The following ABCG2 variants were observed in gnomAD, a reference collection of about 807,000 sequenced individuals.
ABCG2 encodes the protein broad substrate specificity ATP-binding cassette transporter ABCG2.
Under a neutral mutation model 73.5 loss-of-function variants are expected in ABCG2, and 80 were observed. The ratio of observed to expected loss-of-function variants is 1.09; its 90% CI spans 0.91 to 1.31. ABCG2 has a LOEUF of 1.31. Ranked by LOEUF, ABCG2 falls within the 50% of genes most tolerant of loss-of-function variation. The pLI is 0.00. For synonymous variants in ABCG2, 269 were observed against 282.4 expected, an observed-to-expected ratio of 0.95 and a Z score of 0.48; for missense variants, 796 against 786.2, an observed-to-expected ratio of 1.01 and a Z score of -0.15.
intron 1 of ABCG2, among the ~76,000 whole-genome samples, chr4:88,207,797 A>T (rs1729436970): frequency 6.6e-6 from 1 of 152,050 alleles, no homozygotes; most frequent in South Asian, 2.1e-4. Flanking sequence ...CTCCCACCTG[A>T]GCCTCCCAAA....
At chr4:88,129,898 G>A (rs1724726386) in intron 5 of ABCG2, among the ~76,000 whole-genome samples, 1 of 152,106 alleles carries the variant, frequency 6.6e-6, no homozygotes, top group South Asian at 2.1e-4. Flanking sequence ...ACAAGAGGAG[G>A]AGTTACTTTG....
chr4:88,198,049 G>A (rs2869733), intron 1 of ABCG2, among the ~76,000 whole-genome samples: 147,861 of 148,462 alleles, frequency 1, 73,634 homozygotes, highest in East Asian at 1. Context: ...AAAAAAAATC[G>A]TTTGTTTCCA....
intron 1 of ABCG2, among the ~76,000 whole-genome samples, chr4:88,150,157 A>T (rs1726352813): frequency 6.6e-6 from 1 of 152,124 alleles, no homozygotes; most frequent in Non-Finnish European, 1.5e-5. Context: ...TCTCTATTAA[A>T]CATACAAAAA....
chr4:88,212,789 C>A (rs982540638), intron 1 of ABCG2, among the ~76,000 whole-genome samples: 3 of 152,224 alleles, frequency 2.0e-5, no homozygotes, highest in Admixed American at 2.0e-4. Flanking sequence ...CTTGGCAAAA[C>A]CACAAACCCT....
chr4:88,125,378 GCAGGCGGATCATGAGGT>G (rs1724322464), intron 5 of ABCG2, among the ~76,000 whole-genome samples: 1 of 151,642 alleles, frequency 6.6e-6, no homozygotes, highest in Non-Finnish European at 1.5e-5. Context: ...GGAGGCCGAG[GCAGGCGGATCATGAGGT>G]CAGGAGATCA....
chr4:88,214,803 T>C (rs1363231373), intron 1 of ABCG2, among the ~76,000 whole-genome samples: 1 of 152,018 alleles, frequency 6.6e-6, no homozygotes, highest in Non-Finnish European at 1.5e-5. Flanking sequence ...TTGTTTGTTT[T>C]TGTAGAGATT....
At chr4:88,166,309 G>T (rs531127435) in intron 1 of ABCG2, among the ~76,000 whole-genome samples, 19 of 152,140 alleles carry the variant, frequency 1.2e-4, no homozygotes, top group African/African-American at 4.3e-4. Context: ...ACAAATTGTC[G>T]TACCATCATT....
intron 2 of ABCG2, among the ~76,000 whole-genome samples, chr4:88,137,419 G>A (rs1578216779): frequency 6.6e-6 from 1 of 152,292 alleles, no homozygotes; most frequent in East Asian, 1.9e-4. Context: ...TTACCAAGGG[G>A]AAAGGGTGAC....
rs369692667 is a variant in ABCG2 at position 88,170,052 on chromosome 4, G to A, written c.-19-30038C>T. On this transcript the variant is annotated intron_variant, in intron 1 of 15. Transcript: ENST00000515655. ...CTTGAACCCGGGAGGCGGAGGTTGC[G>A]GTGAGCCGAGATTGTGCCACTGCAC... Among the ~76,000 whole-genome samples, 110 of 151,238 alleles carry A rather than the reference G, an allele frequency of 7.3e-4. 7 individuals carry two copies. In the South Asian group the frequency reaches 0.02, roughly 28 times the overall value.
chr4:88,191,212 CA>C (rs1449035327), intron 1 of ABCG2, among the ~76,000 whole-genome samples: 1 of 137,966 alleles, frequency 7.2e-6, no homozygotes, highest in Non-Finnish European at 1.6e-5. Context: ...TCACTGCGTG[CA>C]GTGCTCCAAG....
chr4:88,144,749 G>A (rs1725867471), intron 1 of ABCG2, among the ~76,000 whole-genome samples: 1 of 151,936 alleles, frequency 6.6e-6, no homozygotes, highest in Non-Finnish European at 1.5e-5. Flanking sequence ...GAGCCACTGC[G>A]CCCAGCACAT....
chr4:88,214,014 G>A (rs1386432557), intron 1 of ABCG2, among the ~76,000 whole-genome samples: 2 of 104,698 alleles, frequency 1.9e-5, no homozygotes, highest in Non-Finnish European at 3.7e-5. Context: ...TTGAGACAGA[G>A]TCTCATTCTG....
At position 88,127,304 on chromosome 4, in the gene ABCG2, T is replaced by G. The variant is rs376163014; in HGVS notation, c.531+3757A>C. 4.0e-4 allele frequency among the ~76,000 whole-genome samples: 61 copies of G among 152,320 alleles called. 4 individuals carry two copies. The highest frequency in any genetic ancestry group is 3.5e-3 in the South Asian group (17 of 4,832). ...CAAATGGAAAAACATTTCATGCTCA[T>G]GGATAGGAAGAATCAATATCATGAG... On this transcript the variant is annotated intron_variant, in intron 5 of 15. Coordinates refer to ENST00000237612, the MANE Select transcript of ABCG2 (RefSeq NM_004827.3).
rs367863051 is a variant in ABCG2 at position 88,099,385 on chromosome 4, A to G, written c.1431T>C (p.Asp477=). 3.7e-6 allele frequency: 6 copies of G among 1,612,328 alleles called. No individual in the cohort carries two copies. Among genetic ancestry groups the G allele is most frequent in the Non-Finnish European group, 5.1e-6 (6 of 1,179,070 alleles). ...TTGGTAACATCCTCATGGGTAATAA[A>G]TCAGATAACAGTTTTCCAAGGAAAT... ...SSYFLGKLLS[D]LLPMRMLPSI... is the part of the protein sequence containing the mutation. Residue 477 remains aspartate, a synonymous_variant, in exon 12 of 16, where the codon GAT becomes GAC. Transcript: ENST00000237612.
At chr4:88,112,567 C>T (rs551988982) in intron 9 of ABCG2, among the ~76,000 whole-genome samples, 15 of 152,166 alleles carry the variant, frequency 9.9e-5, no homozygotes, top group African/African-American at 3.1e-4. Context: ...AAATTAGCTC[C>T]ATGAGCAGAG....
chr4:88,130,972 A>T, intron 5 of ABCG2, 89 bp downstream of exon 5: 1 of 1,452,738 alleles, frequency 6.9e-7, no homozygotes, highest in South Asian at 1.3e-5. Context: ...CATACACATT[A>T]CAGGAAACTT....
At chr4:88,204,761 G>A (rs1302371533) in intron 1 of ABCG2, among the ~76,000 whole-genome samples, 1 of 152,160 alleles carries the variant, frequency 6.6e-6, no homozygotes, top group Non-Finnish European at 1.5e-5. Context: ...TAAGAAGACT[G>A]GTTGCTTTTG....
intron 1 of ABCG2, among the ~76,000 whole-genome samples, chr4:88,186,918 C>CAAAAAAAA (rs35676506): frequency 3.7e-4 from 28 of 76,306 alleles, no homozygotes; most frequent in African/African-American, 1.1e-3. Context: ...GACTCCGTCT[C>CAAAAAAAA]AAAAAAAAAA....
At chr4:88,170,687 G>T (rs1015637306) in intron 1 of ABCG2, among the ~76,000 whole-genome samples, 4 of 152,182 alleles carry the variant, frequency 2.6e-5, no homozygotes, top group Non-Finnish European at 5.9e-5. Context: ...AAAGTATTCT[G>T]ACCACTTTCC....
Sources: gnomAD v4.1 joint callset for allele counts (sites outside exome capture counted in the v4.1 genomes callset) on GRCh38, gnomAD v4.1.1 for gene constraint, MANE v1.5 for transcripts, NCBI Gene and HGNC (gene_info 2026-07-23, HGNC 2026-07-21) for gene names.